TMEM255B: variants seen among roughly 807,000 people sequenced by gnomAD.
TMEM255B encodes transmembrane protein 255B.
TMEM255B carries 35 observed loss-of-function variants against 34.5 expected under a neutral mutation model. The ratio of observed to expected loss-of-function variants is 1.01; its 90% confidence interval spans 0.77 to 1.34. The LOEUF (loss-of-function observed/expected upper bound fraction) is 1.34, where lower values mean the gene tolerates loss of function less well. Among genes scored for constraint, TMEM255B ranks in the 40% most tolerant of loss-of-function variants. TMEM255B has a pLI of 0.00. For missense variants in TMEM255B, 432 were observed against 433.2 expected (o/e 1.00, Z 0.02); for synonymous variants, 206 against 201.2 (o/e 1.02, Z -0.20).
At chr13:113,803,911 C>T (rs12100037) in intron 7 of TMEM255B, among the ~76,000 whole-genome samples, 1,243 of 18,422 alleles carry the variant, frequency 0.067, 17 homozygotes, top group African/African-American at 0.23. Flanking sequence ...GGGTTTTCAC[C>T]GTGTCCCCGG....
At chr13:113,809,595 G>C (rs1403253945) in intron 8 of TMEM255B, among the ~76,000 whole-genome samples, 1 of 145,662 alleles carries the variant, frequency 6.9e-6, no homozygotes, top group South Asian at 2.2e-4. Context: ...GGGGGGAGGG[G>C]TTTACTCCGT....
At chr13:113,808,451 C>T (rs1471531138) in intron 8 of TMEM255B, among the ~76,000 whole-genome samples, 2 of 152,172 alleles carry the variant, frequency 1.3e-5, no homozygotes, top group African/African-American at 4.8e-5. Flanking sequence ...TGGTTAACCC[C>T]GTGGTCCCAG....
intron 3 of TMEM255B, among the ~76,000 whole-genome samples, chr13:113,793,058 C>A (rs966507927): frequency 6.6e-6 from 1 of 152,266 alleles, no homozygotes; most frequent in Non-Finnish European, 1.5e-5. Context: ...TCCAGCCCAG[C>A]AGTTCAGAGA....
intron 3 of TMEM255B, among the ~76,000 whole-genome samples, chr13:113,793,888 C>T (rs1457443857): frequency 3.3e-5 from 5 of 152,214 alleles, no homozygotes; most frequent in Non-Finnish European, 7.3e-5. Flanking sequence ...CAGGCGGCCA[C>T]CACTGGTCCA....
At chr13:113,766,633 A>C (rs954694035) in intron 2 of TMEM255B, among the ~76,000 whole-genome samples, 1 of 152,232 alleles carries the variant, frequency 6.6e-6, no homozygotes, top group Non-Finnish European at 1.5e-5. Flanking sequence ...ATGTCCAAAA[A>C]GGCCGGACAG....
At chr13:113,800,684 G>C in intron 5 of TMEM255B, 143 bp from the exon 6 acceptor site, 1 of 727,906 alleles carries the variant, frequency 1.4e-6, no homozygotes, top group Non-Finnish European at 2.3e-6. Context: ...TCTGTGTCTG[G>C]AGTCGGGGGA....
Position 113,799,518 on chromosome 13 carries a change from T to G in TMEM255B, c.423+99T>G, listed in dbSNP as rs2051003592. The G allele has an allele frequency of 4.4e-6, 5 of 1,138,906 alleles. No individual in the cohort carries two copies. In the South Asian group the frequency reaches 5.5e-5, roughly 12 times the overall value. 70.6% of individuals were successfully genotyped at this position (1,138,906 alleles called of 1,614,324 possible). On this transcript the variant is annotated intron_variant, in intron 5 of 8. Transcript: ENST00000375353. The stretch of plus-strand genomic sequence containing the variant: ...CATAGGCGTGGTCTGAATATTTTGA[T>G]TCTAATAGTTCCTGGGGGTCACCCC...
rs141858027 is a variant in TMEM255B at position 113,799,407 on chromosome 13, C to T, written c.411C>T (p.Val137=). Residue 137 remains valine (V), a synonymous_variant, in exon 5 of 9, where the codon GTC becomes GTT. Coordinates refer to ENST00000375353, the MANE Select transcript of TMEM255B (RefSeq NM_182614.4). ...YSSGVGYLYD[V]YQTEVTCHSL... ...GTGGGGTGGGGTACTTGTACGATGTCTACCAGACAGAGGTGAGCAGGAGCA... is the reference window on the plus strand; with the variant it reads ...GTGGGGTGGGGTACTTGTACGATGTTTACCAGACAGAGGTGAGCAGGAGCA... 2.1e-4 allele frequency: 341 copies of T among 1,614,174 alleles called. 1 individual carries two copies. The African/African-American group carries it at 4.3e-3, about 21-fold the overall frequency.
rs372877893 is a variant in TMEM255B, at chr13:113,811,780, G to A, written c.858G>A (p.Ser286=). The change falls in exon 9 of 9, where the codon TCG becomes TCA. Residue 286 remains serine, a synonymous_variant. Transcript: ENST00000375353. ...TTGCGCCCTCCTCTGCCCTGGCTTC[G>A]TCTGAGGACCTGCAGCCCCCTTCTC... ...FPVAPSSALA[S]SEDLQPPSPS... 6.8e-5 allele frequency: 109 copies of A among 1,613,760 alleles called. No homozygotes were observed. The highest frequency in any genetic ancestry group is 6.2e-5 in the Non-Finnish European group (73 of 1,179,884).
intron 3 of TMEM255B, among the ~76,000 whole-genome samples, chr13:113,777,049 C>T (rs570403991): frequency 3.2e-4 from 48 of 152,088 alleles, no homozygotes; most frequent in Non-Finnish European, 6.0e-4. Context: ...GCTGCATCCA[C>T]ATCTGCTTGT....
At chr13:113,811,587 C>T in intron 8 of TMEM255B, 149 bp from the exon 9 acceptor site, 1 of 811,806 alleles carries the variant, frequency 1.2e-6, no homozygotes, top group Non-Finnish European at 1.9e-6. Flanking sequence ...GCGGGGGGCC[C>T]ATGTGAATGG....
Position 113,790,278 on chromosome 13 carries a change from G to A in TMEM255B, c.253-4870G>A, listed in dbSNP as rs540749811. 2.0e-4 allele frequency among the ~76,000 whole-genome samples: 23 copies of A among 112,640 alleles called. 4 individuals carry two copies. Among genetic ancestry groups the A allele is most frequent in the African/African-American group, 5.8e-4 (21 of 36,002 alleles). The allele number at this position is 112,640 out of a possible 152,430, so 73.9% of individuals were successfully genotyped here. Reference sequence around the variant, plus strand: ...TCCTAACACTGAACTGACCAGACACGTGGACATCCTAGCACTGAACTGACT... The same window carrying A: ...TCCTAACACTGAACTGACCAGACACATGGACATCCTAGCACTGAACTGACT... On this transcript the variant is annotated intron_variant, in intron 3 of 8. Coordinates refer to ENST00000375353, the MANE Select transcript of TMEM255B (RefSeq NM_182614.4).
intron 8 of TMEM255B, among the ~76,000 whole-genome samples, chr13:113,810,830 G>A (rs533110862): frequency 1.2e-4 from 19 of 152,234 alleles, no homozygotes; most frequent in African/African-American, 4.6e-4. Context: ...AGTCAGCCAC[G>A]GTGACACTGA....
chr13:113,768,518 T>C (rs552960320), intron 2 of TMEM255B, among the ~76,000 whole-genome samples: 1 of 152,176 alleles, frequency 6.6e-6, no homozygotes, highest in Non-Finnish European at 1.5e-5. Flanking sequence ...CGGGGCCCCC[T>C]CTGTGCCTGG....
chr13:113,795,025 A>G, intron 3 of TMEM255B, 123 bp from the exon 4 acceptor site: 4 of 820,630 alleles, frequency 4.9e-6, no homozygotes, highest in Non-Finnish European at 8.0e-6. Context: ...GACGAAAGGT[A>G]GAGGTGAGAA....
Position 113,813,260 on chromosome 13 carries a change from CCA to C in TMEM255B, c.*1358_*1359del, listed in dbSNP as rs2138594662. ...TGCTCTGTGGGCCGCTCACGGTTCC[CCA>C]GTCACTCCCTCTCCCCTCGGAAGCT... is the stretch of plus-strand genomic sequence containing the variant. On this transcript the variant is annotated 3_prime_UTR_variant, in exon 9 of 9. Coordinates refer to ENST00000375353, the MANE Select transcript of TMEM255B (RefSeq NM_182614.4). 6.6e-6 allele frequency: 1 copy of C among 152,342 alleles called. No homozygotes were observed. The highest frequency in any genetic ancestry group is 2.1e-4 in the South Asian group (1 of 4,822). The allele number at this position is 152,342 out of a possible 1,614,324, so 9.4% of individuals were successfully genotyped here.
intron 3 of TMEM255B, among the ~76,000 whole-genome samples, chr13:113,773,310 T>A (rs1189179523): frequency 5.3e-5 from 8 of 152,272 alleles, no homozygotes; most frequent in Non-Finnish European, 1.2e-4. Flanking sequence ...GGAACTCATT[T>A]CTTTGTTCTA....
rs1463401943 is a variant in TMEM255B at position 113,799,222 on chromosome 13, G to A, written c.343-117G>A. 1.2e-5 allele frequency: 10 copies of A among 856,808 alleles called. 1 individual carries two copies. The highest frequency in any genetic ancestry group is 7.6e-6 in the Non-Finnish European group (4 of 529,392). 53.1% of individuals were successfully genotyped at this position (856,808 alleles called of 1,614,324 possible). A position where few individuals can be genotyped will look rare whatever the true frequency, so the allele number is the denominator to read the frequency against. ...TTCTGTGTCTGGGAGGCTCAAGTTG[G>A]TGTTGGCCTTGGTCCTTGAGGCCCT... On this transcript the variant is annotated intron_variant, in intron 4 of 8. Transcript: ENST00000375353.
intron 3 of TMEM255B, among the ~76,000 whole-genome samples, chr13:113,771,075 A>G (rs1168593770): frequency 1.3e-5 from 2 of 152,200 alleles, no homozygotes; most frequent in East Asian, 3.8e-4. Context: ...GTGTATTCCC[A>G]GATATGTGAA....
Sources: gnomAD v4.1 joint callset for allele counts (sites outside exome capture counted in the v4.1 genomes callset) on GRCh38, gnomAD v4.1.1 for gene constraint, MANE v1.5 for transcripts, NCBI Gene and HGNC (gene_info 2026-07-23, HGNC 2026-07-21) for gene names.